NHSL2: variants seen among roughly 807,000 people sequenced by gnomAD.
The protein encoded by NHSL2 is NHS-like protein 2.
Under a neutral mutation model 53.4 loss-of-function variants are expected in NHSL2, and 27 were observed. The observed-to-expected ratio is 0.51, with a 90% confidence interval of 0.37 to 0.70. The LOEUF (loss-of-function observed/expected upper bound fraction) is 0.70. NHSL2 is among the 30% of genes least tolerant of loss of function. The probability of loss-of-function intolerance (pLI) is 0.00; values close to 1 mark genes in which losing one functional copy is unlikely to be tolerated. For missense variants in NHSL2, 892 were observed against 980.1 expected (o/e 0.91, Z 1.20); for synonymous variants, 408 against 404.1 (o/e 1.01, Z -0.12).
intron 1 of NHSL2, among the ~76,000 whole-genome samples, chrX:71,918,151 G>A (rs1181508144): frequency 1.8e-5 from 2 of 111,482 alleles, no homozygotes; most frequent in Non-Finnish European, 3.8e-5. Flanking sequence ...GCCACAGTGA[G>A]AAAGAGAGAG....
intron 1 of NHSL2, among the ~76,000 whole-genome samples, chrX:71,980,569 GGTGTGTGTGTGT>G (rs60984696): frequency 0.17 from 328 of 1,980 alleles, 2 homozygotes; most frequent in South Asian, 0.24. Context: ...GGGTGTGTGG[GGTGTGTGTGTGT>G]GTGTGTGTGT....
At chrX:72,097,687 A>G (rs997399803) in intron 1 of NHSL2, among the ~76,000 whole-genome samples, 8 of 111,673 alleles carry the variant, frequency 7.2e-5, no homozygotes, top group Non-Finnish European at 1.1e-4. Context: ...TCCTCTCTCA[A>G]TTAAACTCTA....
At chrX:71,978,989 C>T (rs2041962249) in intron 1 of NHSL2, among the ~76,000 whole-genome samples, 1 of 101,668 alleles carries the variant, frequency 9.8e-6, no homozygotes, top group South Asian at 4.9e-4. Flanking sequence ...TCAGTTCCCA[C>T]CTATGAGTGA....
chrX:72,062,217 G>A (rs948620923), intron 1 of NHSL2, among the ~76,000 whole-genome samples: 1 of 112,234 alleles, frequency 8.9e-6, no homozygotes, highest in Non-Finnish European at 1.9e-5. Flanking sequence ...AAGGCAGAGG[G>A]TGGTGTGCTA....
intron 1 of NHSL2, among the ~76,000 whole-genome samples, chrX:72,081,351 C>T (rs902025859): frequency 5.3e-5 from 6 of 112,299 alleles, no homozygotes; most frequent in African/African-American, 1.9e-4. Flanking sequence ...CAGTGGCCTG[C>T]CTTGAAAAGG....
At chrX:72,006,605 T>G (rs1336687994) in intron 1 of NHSL2, among the ~76,000 whole-genome samples, 1 of 112,498 alleles carries the variant, frequency 8.9e-6, no homozygotes, top group Non-Finnish European at 1.9e-5. Flanking sequence ...CAGGCTGGAG[T>G]GCAGTGGTGC....
intron 1 of NHSL2, among the ~76,000 whole-genome samples, chrX:72,112,033 A>T (rs1226905712): frequency 9.0e-6 from 1 of 110,621 alleles, no homozygotes; most frequent in African/African-American, 3.3e-5. Flanking sequence ...GTGATATTTG[A>T]GCAGAGACCC....
chrX:72,011,400 G>A (rs1049392752), intron 1 of NHSL2, among the ~76,000 whole-genome samples: 4 of 112,565 alleles, frequency 3.6e-5, no homozygotes, highest in Non-Finnish European at 5.6e-5. Flanking sequence ...GGCCAGGTGC[G>A]GTGGCTCACA....
At position 71,913,585 on chromosome X, in the gene NHSL2, A is replaced by AT. The variant is rs757421629; in HGVS notation, c.280+2219dup. Among the ~76,000 whole-genome samples the AT allele has an allele frequency of 3.6e-5, 4 of 112,520 alleles. No homozygotes were observed. The East Asian group carries it at 1.1e-3, about 31-fold the overall frequency. On this transcript the variant is annotated intron_variant, in intron 1 of 7. Coordinates refer to ENST00000633930, the MANE Select transcript of NHSL2 (RefSeq NM_001013627.3). ...GCTGGGGGTCAGCATTTTACCCTGC[A>AT]TATCCTCCATCTGTCTGGATTGCCC...
At chrX:72,073,102 G>A (rs186762457) in intron 1 of NHSL2, among the ~76,000 whole-genome samples, 77 of 112,349 alleles carry the variant, frequency 6.9e-4, no homozygotes, top group African/African-American at 2.3e-3. Flanking sequence ...CTTTTCAAAC[G>A]AAGAAGGGTG....
chrX:72,131,139 G>A (rs1235095981), intron 1 of NHSL2: 12 of 1,193,560 alleles, frequency 1.0e-5, no homozygotes, highest in Non-Finnish European at 1.4e-5. Flanking sequence ...CCTTTGACGC[G>A]GGCGGAGGCA....
intron 1 of NHSL2, among the ~76,000 whole-genome samples, chrX:72,125,301 G>C (rs2042214968): frequency 8.9e-6 from 1 of 111,809 alleles, no homozygotes; most frequent in South Asian, 3.7e-4. Context: ...ACATCTTCTA[G>C]TCCTCCAAGC....
chrX:72,034,896 T>C (rs1244093341), intron 1 of NHSL2, among the ~76,000 whole-genome samples: 2 of 112,105 alleles, frequency 1.8e-5, no homozygotes, highest in South Asian at 3.7e-4. Flanking sequence ...TCGATTGCTT[T>C]CTTATTTTCA....
At chrX:71,998,976 G>A (rs1255052497) in intron 1 of NHSL2, among the ~76,000 whole-genome samples, 2 of 112,437 alleles carry the variant, frequency 1.8e-5, no homozygotes, top group Admixed American at 9.4e-5. Flanking sequence ...GAATAAATGA[G>A]TGACTGTTGT....
chrX:71,978,130 C>T (rs773083539), intron 1 of NHSL2, among the ~76,000 whole-genome samples: 3 of 112,647 alleles, frequency 2.7e-5, no homozygotes, highest in Non-Finnish European at 3.8e-5. Flanking sequence ...GTGCTTAGCG[C>T]AGTACCTACC....
chrX:72,037,064 A>G (rs972626301), intron 1 of NHSL2, among the ~76,000 whole-genome samples: 5 of 111,334 alleles, frequency 4.5e-5, no homozygotes, highest in African/African-American at 1.6e-4. Context: ...GACATTTTGG[A>G]TATTATGTTA....
intron 2 of NHSL2, 99 bp downstream of exon 2, chrX:72,132,333 AAGAC>A (rs2042314416): frequency 2.5e-6 from 2 of 792,661 alleles, no homozygotes; most frequent in Non-Finnish European, 3.5e-6. Flanking sequence ...CAGCAAGATA[AAGAC>A]AGAGAGTTTA....
chrX:72,084,811 G>A (rs2041822189), intron 1 of NHSL2, among the ~76,000 whole-genome samples: 1 of 111,904 alleles, frequency 8.9e-6, no homozygotes, highest in Non-Finnish European at 1.9e-5. Context: ...TGGCTATCAA[G>A]AGCTGGCAGC....
At chrX:72,085,261 C>CCCAGCCCCTCTCAAAA (rs1208776283) in intron 1 of NHSL2, among the ~76,000 whole-genome samples, 1 of 112,156 alleles carries the variant, frequency 8.9e-6, no homozygotes, top group Admixed American at 9.4e-5. Context: ...CTCAAAGACA[C>CCCAGCCCCTCTCAAAA]ATGCAGTTCT....
Sources: gnomAD v4.1 joint callset for allele counts (sites outside exome capture counted in the v4.1 genomes callset) on GRCh38, gnomAD v4.1.1 for gene constraint, MANE v1.5 for transcripts, NCBI Gene and HGNC (gene_info 2026-07-23, HGNC 2026-07-21) for gene names.